The following BTF3L4 variants were observed in gnomAD, a reference collection of about 807,000 sequenced individuals.
The protein encoded by BTF3L4 is basic transcription factor 3 like 4.
Under a neutral mutation model 16.8 loss-of-function variants are expected in BTF3L4, and 6 were observed. The observed-to-expected ratio is 0.36, with a 90% CI of 0.20 to 0.71. The LOEUF (loss-of-function observed/expected upper bound fraction) is 0.71. Among genes scored for constraint, BTF3L4 ranks in the 30% least tolerant of loss-of-function variants. The probability of loss-of-function intolerance (pLI) is 0.58; values close to 1 mark genes in which losing one functional copy is unlikely to be tolerated. For missense variants in BTF3L4, 92 were observed against 186.9 expected (o/e 0.49, Z 2.96); for synonymous variants, 39 against 59.8 (o/e 0.65, Z 1.60).
At chr1:52,076,962 G>A (rs1354313689) in intron 3 of BTF3L4, among the ~76,000 whole-genome samples, 1 of 152,100 alleles carries the variant, frequency 6.6e-6, no homozygotes, top group Admixed American at 6.6e-5. Flanking sequence ...ACTTAGGGCC[G>A]AGAGTTCAAG....
chr1:52,056,643 A>T lies in BTF3L4; in HGVS notation c.-14+264A>T, dbSNP rs151007109. ...GTTGCCGCCCAGACCCTGTCCCAGG[A>T]GGCAGGTGGACGCCCCTCCTCTGTT... On this transcript the variant is annotated intron_variant, in intron 1 of 5. Transcript: ENST00000313334. Among the ~76,000 whole-genome samples, 729 of 152,368 alleles carry T rather than the reference A, an allele frequency of 4.8e-3. 13 individuals carry two copies. The South Asian group carries it at 0.054, about 11-fold the overall frequency.
chr1:52,086,925 A>C lies in BTF3L4; in HGVS notation c.*167A>C. On this transcript the variant is annotated 3_prime_UTR_variant, in exon 6 of 6. Transcript: ENST00000313334. ...GCATTTTTCGGTCATTTGATTTTGC[A>C]TTTTGCACTTCCTCCCAGGATATTT... The C allele has an allele frequency of 2.3e-6, 1 of 437,366 alleles. No homozygotes were observed. The highest frequency in any genetic ancestry group is 4.1e-6 in the Non-Finnish European group (1 of 241,628). The allele number at this position is 437,366 out of a possible 1,614,324, so 27.1% of individuals were successfully genotyped here.
chr1:52,075,702 T>A (rs1213941163), intron 3 of BTF3L4, among the ~76,000 whole-genome samples: 1 of 151,470 alleles, frequency 6.6e-6, no homozygotes, highest in Non-Finnish European at 1.5e-5. Flanking sequence ...ACTCTCTTGT[T>A]GCCCAGGCTG....
chr1:52,067,192 ATGTGAGACTCTG>A (rs1430366020), intron 3 of BTF3L4, among the ~76,000 whole-genome samples: 2 of 152,318 alleles, frequency 1.3e-5, no homozygotes, highest in South Asian at 4.1e-4. Flanking sequence ...AGCAGAGATC[ATGTGAGACTCTG>A]TCTGAAAAAA....
intron 4 of BTF3L4, among the ~76,000 whole-genome samples, chr1:52,085,221 G>A (rs1015051808): frequency 2.0e-5 from 3 of 151,156 alleles, no homozygotes; most frequent in African/African-American, 4.9e-5. Flanking sequence ...GGGTTTCACC[G>A]TCTTGGCCCG....
chr1:52,086,644 G>A (rs1643975887), intron 5 of BTF3L4, 68 bp from the exon 6 acceptor site: 1 of 954,584 alleles, frequency 1.0e-6, no homozygotes, highest in Non-Finnish European at 1.6e-6. Flanking sequence ...TTAGAAGTTA[G>A]GAGTTCCATT....
chr1:52,069,138 C>A (rs1686723025), intron 3 of BTF3L4, among the ~76,000 whole-genome samples: 1 of 152,120 alleles, frequency 6.6e-6, no homozygotes, highest in Non-Finnish European at 1.5e-5. Flanking sequence ...TGTCTTCTAA[C>A]CCTCACAGGA....
In BTF3L4 at chr1:52,088,990, C is replaced by T. The variant is rs1374426869; in HGVS notation, c.*2232C>T. The T allele has an allele frequency of 6.8e-6, 1 of 147,854 alleles. No individual in the cohort carries two copies. The highest frequency in any genetic ancestry group is 6.8e-5 in the Admixed American group (1 of 14,602). The allele number at this position is 147,854 out of a possible 1,614,324, so 9.2% of individuals were successfully genotyped here. Reference sequence around the variant, plus strand: ...GCCCAGGCCGGTCTTGAATTCCTGTCCTCAGGTGATTCATTTGCCTCGGCC... The same window carrying T: ...GCCCAGGCCGGTCTTGAATTCCTGTTCTCAGGTGATTCATTTGCCTCGGCC... On this transcript the variant is annotated 3_prime_UTR_variant, in exon 6 of 6. Coordinates refer to ENST00000313334, the MANE Select transcript of BTF3L4 (RefSeq NM_152265.5).
intron 3 of BTF3L4, among the ~76,000 whole-genome samples, chr1:52,079,047 T>A (rs1687000884): frequency 1.3e-5 from 2 of 152,166 alleles, no homozygotes; most frequent in South Asian, 4.1e-4. Context: ...TGCATATAAT[T>A]TGCTTTATGA....
intron 5 of BTF3L4, 34 bp downstream of exon 5, chr1:52,086,205 G>C (rs1643971798): frequency 6.5e-7 from 1 of 1,536,150 alleles, no homozygotes. Flanking sequence ...AAGATTTTAA[G>C]CATCCTGTTT....
chr1:52,056,949 A>G (rs768645685), intron 1 of BTF3L4, among the ~76,000 whole-genome samples: 64 of 152,262 alleles, frequency 4.2e-4, no homozygotes, highest in Non-Finnish European at 7.2e-4. Context: ...GGCGGTTTCA[A>G]CTTCCGTTCC....
At chr1:52,072,123 C>T (rs923606155) in intron 3 of BTF3L4, among the ~76,000 whole-genome samples, 13 of 150,296 alleles carry the variant, frequency 8.6e-5, no homozygotes, top group Admixed American at 8.0e-4. Flanking sequence ...GGTGCGATCT[C>T]GGCTCACTGC....
Position 52,064,925 on chromosome 1 carries a change from C to G in BTF3L4, c.155C>G (p.Ala52Gly). The G allele has an allele frequency of 6.2e-7, 1 of 1,607,804 alleles. No individual in the cohort carries two copies. ...SLKKLAVNNI[A>G]GIEEVNMIKD... Reference sequence around the variant, plus strand: ...AAAAAACTGGCTGTGAATAATATAGCTGGTATTGAAGAGGTATGATCACTT... The same window carrying G: ...AAAAAACTGGCTGTGAATAATATAGGTGGTATTGAAGAGGTATGATCACTT... Residue 52 changes from alanine to glycine, a missense_variant, in exon 3 of 6, where the codon GCT becomes GGT. Ala to Gly is a moderately conservative substitution (Grantham distance 60). Coordinates refer to ENST00000313334, the MANE Select transcript of BTF3L4 (RefSeq NM_152265.5).
rs144698589 is a variant in BTF3L4, at chr1:52,089,197, G to T, written c.*2439G>T. On this transcript the variant is annotated 3_prime_UTR_variant, in exon 6 of 6. Coordinates refer to ENST00000313334, the MANE Select transcript of BTF3L4 (RefSeq NM_152265.5). ...TTATTAATACCCATAAAACGTTTGT[G>T]TATTTGCTTCTTCCTCTTTCTCCTT... 6.6e-6 allele frequency: 1 copy of T among 152,154 alleles called. No homozygotes were observed. 9.4% of individuals were successfully genotyped at this position (152,154 alleles called of 1,614,324 possible).
intron 4 of BTF3L4, among the ~76,000 whole-genome samples, chr1:52,084,060 T>C (rs1281219084): frequency 6.6e-6 from 1 of 151,980 alleles, no homozygotes; most frequent in Non-Finnish European, 1.5e-5. Flanking sequence ...ATTTTGGTAG[T>C]AATAATAGTA....
Position 52,082,229 on chromosome 1 carries a change from T to C in BTF3L4, c.169-1111T>C, listed in dbSNP as rs911391605. Among the ~76,000 whole-genome samples the C allele has an allele frequency of 5.3e-5, 8 of 152,196 alleles. No homozygotes were observed. The South Asian group carries it at 6.2e-4, about 12-fold the overall frequency. ...AAAAATAACAATCTTAAGTAGCACA[T>C]GTTAAACCTTCCATTTCAGTAAGTC... On this transcript the variant is annotated intron_variant, in intron 3 of 5. Coordinates refer to ENST00000313334, the MANE Select transcript of BTF3L4 (RefSeq NM_152265.5).
chr1:52,084,020 CAAA>C (rs58159140), intron 4 of BTF3L4, among the ~76,000 whole-genome samples: 4 of 79,080 alleles, frequency 5.1e-5, no homozygotes, highest in Non-Finnish European at 8.2e-5. Context: ...AACTCCGTCT[CAAA>C]AAAAAAAAAA....
chr1:52,063,132 A>G (rs993236490), intron 2 of BTF3L4, among the ~76,000 whole-genome samples: 8 of 152,262 alleles, frequency 5.3e-5, no homozygotes, highest in African/African-American at 1.9e-4. Context: ...TAGGAGTTGG[A>G]ATTGACACGA....
intron 1 of BTF3L4, among the ~76,000 whole-genome samples, chr1:52,056,769 G>A (rs1686370944): frequency 6.6e-6 from 1 of 152,240 alleles, no homozygotes; most frequent in Non-Finnish European, 1.5e-5. Context: ...AGATAGGGAA[G>A]CTGAGGTTAC....
Sources: allele counts gnomAD v4.1 joint callset (sites outside exome capture counted in the v4.1 genomes callset), GRCh38; gene constraint gnomAD v4.1.1; transcripts MANE v1.5; gene names NCBI Gene and HGNC (gene_info 2026-07-23, HGNC 2026-07-21).